INPP4B: variants seen among roughly 807,000 people sequenced by gnomAD.
The protein encoded by INPP4B is inositol polyphosphate-4-phosphatase type II B, also known as inositol polyphosphate 4-phosphatase type II.
Under a neutral mutation model 122.5 loss-of-function variants are expected in INPP4B, and 55 were observed. That is an observed-to-expected ratio of 0.45 (90% CI 0.36 to 0.56). INPP4B has a LOEUF of 0.56. Among genes scored for constraint, INPP4B ranks in the 20% least tolerant of loss-of-function variants. The pLI, the probability that INPP4B is intolerant of heterozygous loss-of-function variation, is 0.00. For synonymous variants in INPP4B, 403 were observed against 388.7 expected (o/e 1.04, Z -0.43); for missense variants, 1,000 against 1,097.7 (o/e 0.91, Z 1.26).
intron 7 of INPP4B, among the ~76,000 whole-genome samples, chr4:142,388,664 G>A (rs185100712): frequency 3.3e-4 from 51 of 152,278 alleles, no homozygotes; most frequent in African/African-American, 1.1e-3. Flanking sequence ...AGATTGCTTT[G>A]CATTTTGAGA....
Position 142,035,150 on chromosome 4 carries a change from C to T in INPP4B, c.2643-6236G>A, listed in dbSNP as rs79377507. 5.6e-3 allele frequency among the ~76,000 whole-genome samples: 859 copies of T among 152,234 alleles called. 5 individuals are homozygous for T. Among genetic ancestry groups the T allele is most frequent in the Non-Finnish European group, 8.2e-3 (558 of 68,012 alleles). ...CTCACATCAGCACGAGGAGGCAGGC[C>T]AGCATCCCCACTTGGCTAAATACGA... On this transcript the variant is annotated intron_variant, in intron 25 of 25. Coordinates refer to ENST00000262992, the MANE Select transcript of INPP4B (RefSeq NM_001101669.3).
rs188365992 is a variant in INPP4B at position 142,280,052 on chromosome 4, C to T, written c.504-9278G>A. On this transcript the variant is annotated intron_variant, in intron 9 of 25. Coordinates refer to ENST00000262992, the MANE Select transcript of INPP4B (RefSeq NM_001101669.3). ...AATTAAAATTAAAACTACTATGAGA[C>T]GCCACTTTAACACCCTTACAATGGC... 3.2e-3 allele frequency among the ~76,000 whole-genome samples: 480 copies of T among 151,694 alleles called. 3 individuals are homozygous for T. Among genetic ancestry groups the T allele is most frequent in the African/African-American group, 8.2e-3 (339 of 41,464 alleles).
At chr4:142,313,441 T>C (rs979435199) in intron 8 of INPP4B, among the ~76,000 whole-genome samples, 7 of 152,124 alleles carry the variant, frequency 4.6e-5, no homozygotes, top group African/African-American at 1.7e-4. Context: ...GATGAGAGTA[T>C]GCATTTAGGA....
chr4:142,708,554 C>T (rs1762733721), intron 2 of INPP4B, among the ~76,000 whole-genome samples: 1 of 152,126 alleles, frequency 6.6e-6, no homozygotes, highest in Non-Finnish European at 1.5e-5. Flanking sequence ...TAAAAGGGCC[C>T]CAGATACATC....
chr4:142,347,402 G>A (rs1016541826), intron 7 of INPP4B: 7 of 316,690 alleles, frequency 2.2e-5, no homozygotes, highest in Middle Eastern at 3.9e-4. Context: ...GTGCTCTGAG[G>A]GAAAAGTGCA....
At chr4:142,044,282 A>G (rs991744088) in intron 25 of INPP4B, among the ~76,000 whole-genome samples, 2 of 152,164 alleles carry the variant, frequency 1.3e-5, no homozygotes, top group Non-Finnish European at 2.9e-5. Flanking sequence ...TAGAGAATAC[A>G]TCACACAGAC....
At chr4:142,545,707 A>G (rs1829481885) in intron 2 of INPP4B, among the ~76,000 whole-genome samples, 2 of 120,314 alleles carry the variant, frequency 1.7e-5, no homozygotes, top group Non-Finnish European at 1.7e-5. Flanking sequence ...GTGTATATAT[A>G]TGTGTGTGTA....
At chr4:142,440,588 G>T (rs1332758988) in intron 3 of INPP4B, among the ~76,000 whole-genome samples, 1 of 152,152 alleles carries the variant, frequency 6.6e-6, no homozygotes, top group Admixed American at 6.5e-5. Context: ...AAGCAGAGCT[G>T]CTCTGTTTGG....
chr4:142,285,324 C>A (rs1163934153), intron 9 of INPP4B, among the ~76,000 whole-genome samples: 1 of 151,508 alleles, frequency 6.6e-6, no homozygotes, highest in African/African-American at 2.4e-5. Context: ...ACAGAGTGCA[C>A]CCCAAGTAAA....
intron 1 of INPP4B, among the ~76,000 whole-genome samples, chr4:142,828,298 T>A (rs1331870258): frequency 6.6e-6 from 1 of 152,144 alleles, no homozygotes; most frequent in Non-Finnish European, 1.5e-5. Context: ...GTGGATGACC[T>A]GAGCCCCATA....
chr4:142,181,301 G>A (rs1830644873), intron 15 of INPP4B, among the ~76,000 whole-genome samples: 1 of 152,010 alleles, frequency 6.6e-6, no homozygotes, highest in Non-Finnish European at 1.5e-5. Flanking sequence ...ATTGCAGAAT[G>A]TTTTTGTTAC....
chr4:142,500,202 C>A (rs12643136), intron 2 of INPP4B, among the ~76,000 whole-genome samples: 25,714 of 152,032 alleles, frequency 0.17, 2,438 homozygotes, highest in East Asian at 0.39. Context: ...CAATAAACTG[C>A]TTTTGAGGAT....
intron 7 of INPP4B, among the ~76,000 whole-genome samples, chr4:142,373,198 G>T (rs937139992): frequency 9.2e-5 from 14 of 151,900 alleles, no homozygotes; most frequent in Admixed American, 3.9e-4. Context: ...TTCTATTTTT[G>T]CATCTTTATT....
At chr4:142,231,261 G>C (rs1854238199) in intron 12 of INPP4B, among the ~76,000 whole-genome samples, 1 of 152,204 alleles carries the variant, frequency 6.6e-6, no homozygotes, top group Non-Finnish European at 1.5e-5. Flanking sequence ...TTATGTCCCT[G>C]CCAACATTTC....
At chr4:142,760,088 C>T (rs1038799430) in intron 1 of INPP4B, among the ~76,000 whole-genome samples, 2 of 152,024 alleles carry the variant, frequency 1.3e-5, no homozygotes, top group Admixed American at 1.3e-4. Flanking sequence ...TAAAGCCAAA[C>T]TCAAGTACCT....
chr4:142,388,905 T>C (rs1435387525), intron 7 of INPP4B, among the ~76,000 whole-genome samples: 1 of 152,116 alleles, frequency 6.6e-6, no homozygotes, highest in Non-Finnish European at 1.5e-5. Flanking sequence ...AGAAACTGCA[T>C]ATTTTCCTAA....
intron 2 of INPP4B, among the ~76,000 whole-genome samples, chr4:142,545,821 G>GTATATA (rs70949172): frequency 2.6e-4 from 29 of 111,910 alleles, no homozygotes; most frequent in Non-Finnish European, 4.2e-4. Context: ...ATACATGTGT[G>GTATATA]TATATATATA....
At chr4:142,583,862 T>C (rs1342145874) in intron 2 of INPP4B, among the ~76,000 whole-genome samples, 3 of 152,146 alleles carry the variant, frequency 2.0e-5, no homozygotes, top group Admixed American at 1.3e-4. Flanking sequence ...TTCCATTTTT[T>C]TTCTGGTATT....
chr4:142,543,737 C>A (rs115517780), intron 2 of INPP4B, among the ~76,000 whole-genome samples: 518 of 152,200 alleles, frequency 3.4e-3, no homozygotes, highest in African/African-American at 0.012. Context: ...AACCTGGAAT[C>A]TCAACAGAAT....
Sources: gnomAD v4.1 joint callset for allele counts (sites outside exome capture counted in the v4.1 genomes callset) on GRCh38, gnomAD v4.1.1 for gene constraint, MANE v1.5 for transcripts, NCBI Gene and HGNC (gene_info 2026-07-23, HGNC 2026-07-21) for gene names.